SP1: variants seen among roughly 807,000 people sequenced by gnomAD.
SP1 encodes the protein transcription factor Sp1.
SP1 carries 6 observed loss-of-function variants against 66.3 expected under a neutral mutation model. The observed-to-expected ratio is 0.09, with a 90% CI of 0.05 to 0.18. SP1 has a LOEUF of 0.18. Among genes scored for constraint, SP1 ranks in the 10% least tolerant of loss-of-function variants. The pLI is 1.00. For missense variants in SP1, 848 were observed against 964.5 expected, an observed-to-expected ratio of 0.88 and a Z score of 1.60; for synonymous variants, 417 against 360.8, an observed-to-expected ratio of 1.16 and a Z score of -1.77.
intron 1 of SP1, 33 bp downstream of exon 1, chr12:53,380,331 G>T (rs1346039380): frequency 6.6e-7 from 1 of 1,524,244 alleles, no homozygotes; most frequent in East Asian, 2.7e-5. Flanking sequence ...CTTAGGGGTG[G>T]GAGGCGAGTG....
intron 5 of SP1, among the ~76,000 whole-genome samples, chr12:53,410,590 C>T (rs1213612982): frequency 1.3e-5 from 2 of 151,870 alleles, no homozygotes; most frequent in East Asian, 2.0e-4. Flanking sequence ...CTGCAAGCTC[C>T]GCCTCCCGGG....
chr12:53,416,009 CTG>C lies in SP1; in HGVS notation c.*4771_*4772del, dbSNP rs1938988883. 6.5e-6 allele frequency: 1 copy of C among 152,720 alleles called. No individual in the cohort carries two copies. Among genetic ancestry groups the C allele is most frequent in the South Asian group, 2.1e-4 (1 of 4,834 alleles). The allele number at this position is 152,720 out of a possible 1,614,324, so 9.5% of individuals were successfully genotyped here. A position where few individuals can be genotyped will look rare whatever the true frequency, so the allele number is the denominator to read the frequency against. ...CAGGGCCTGCTTCCCCTTCCTAAGT[CTG>C]TCATCCTCTGGAAGGGATGGGTGGT... is the stretch of plus-strand genomic sequence containing the variant. On this transcript the variant is annotated 3_prime_UTR_variant, in exon 6 of 6. Coordinates refer to ENST00000327443, the MANE Select transcript of SP1 (RefSeq NM_138473.3).
chr12:53,406,065 CTTT>C (rs1170832065), intron 3 of SP1, among the ~76,000 whole-genome samples: 1 of 82,418 alleles, frequency 1.2e-5, no homozygotes, highest in Non-Finnish European at 2.5e-5. Flanking sequence ...TATTTTCTTT[CTTT>C]TTTTTTTTTT....
intron 4 of SP1, 96 bp from the exon 5 acceptor site, chr12:53,409,266 G>A: frequency 1.0e-6 from 1 of 983,158 alleles, no homozygotes; most frequent in Admixed American, 2.7e-5. Flanking sequence ...AAAAGTTTGG[G>A]TTAGTTTGGT....
At chr12:53,401,428 G>A (rs980753227) in intron 3 of SP1, among the ~76,000 whole-genome samples, 5 of 147,350 alleles carry the variant, frequency 3.4e-5, no homozygotes, top group Non-Finnish European at 5.9e-5. Flanking sequence ...TCCAGCCTGG[G>A]CGACAAGAGC....
intron 3 of SP1, among the ~76,000 whole-genome samples, chr12:53,386,561 C>T (rs565335299): frequency 2.2e-4 from 33 of 150,250 alleles, no homozygotes; most frequent in African/African-American, 6.9e-4. Flanking sequence ...GTGCAATCTC[C>T]GCTCACTGCA....
At chr12:53,401,180 G>A (rs544626747) in intron 3 of SP1, among the ~76,000 whole-genome samples, 3 of 151,800 alleles carry the variant, frequency 2.0e-5, no homozygotes, top group East Asian at 1.9e-4. Flanking sequence ...GGCCTGGCAC[G>A]GTGGCACGTG....
intron 3 of SP1, among the ~76,000 whole-genome samples, chr12:53,387,144 G>A (rs1938248520): frequency 6.6e-6 from 1 of 151,652 alleles, no homozygotes; most frequent in African/African-American, 2.4e-5. Context: ...GTAGCGATTG[G>A]ATTTCACTGT....
rs539990920 is a variant in SP1 at position 53,382,924 on chromosome 12, G to C, written c.977G>C (p.Ser326Thr). Residue 326 changes from serine (S) to threonine (T), a missense_variant, in exon 3 of 6, where the codon AGC becomes ACC. Physicochemically the swap from Ser to Thr is moderately conservative, Grantham distance 58 (BLOSUM62 1). This residue lies in a region of SP1 where 606 missense variants were observed against 589.9 expected (regional missense o/e 1.03). Transcript: ENST00000327443. ...AGCTCCTTTTTCACCAATGCCAATA[G>C]CTACTCAACTACTACTACCACCAGC... Reference protein sequence around the residue: ...SSSSFFTNANSYSTTTTTSNM... With the variant: ...SSSSFFTNANTYSTTTTTSNM... 29 of 1,614,130 alleles carry C rather than the reference G, an allele frequency of 1.8e-5. No individual in the cohort carries two copies. The East Asian group carries it at 6.5e-4, about 36-fold the overall frequency.
intron 3 of SP1, among the ~76,000 whole-genome samples, chr12:53,385,483 G>A (rs550431500): frequency 1.4e-5 from 2 of 147,834 alleles, no homozygotes; most frequent in South Asian, 2.2e-4. Context: ...TAGTCCCAGC[G>A]ACTCAGGAGC....
At chr12:53,380,375 C>A in intron 1 of SP1, 77 bp downstream of exon 1, 1 of 1,276,962 alleles carries the variant, frequency 7.8e-7, no homozygotes. Context: ...CGGGCGATCC[C>A]CGCCGTGAAG....
intron 1 of SP1, chr12:53,381,233 G>A (rs538314738): frequency 3.2e-5 from 5 of 155,024 alleles, no homozygotes; most frequent in South Asian, 3.6e-4. Context: ...GATTACAGGC[G>A]TGACCACCGC....
chr12:53,385,541 G>C (rs1200517626), intron 3 of SP1, among the ~76,000 whole-genome samples: 1 of 151,188 alleles, frequency 6.6e-6, no homozygotes, highest in Non-Finnish European at 1.5e-5. Flanking sequence ...GTTGCAATGA[G>C]CCGAGATCGC....
At chr12:53,410,009 C>CA (rs141900815) in intron 5 of SP1, among the ~76,000 whole-genome samples, 13,585 of 143,074 alleles carry the variant, frequency 0.095, 831 homozygotes, top group Non-Finnish European at 0.14. Flanking sequence ...GACACTGTCT[C>CA]AAAAAAAAAG....
intron 3 of SP1, among the ~76,000 whole-genome samples, chr12:53,405,100 C>T (rs1166225146): frequency 3.3e-5 from 5 of 151,852 alleles, no homozygotes; most frequent in African/African-American, 4.8e-5. Flanking sequence ...CCAACCACCT[C>T]GGCCTCCCAA....
chr12:53,394,942 G>A (rs747119544), intron 3 of SP1, among the ~76,000 whole-genome samples: 12 of 151,810 alleles, frequency 7.9e-5, no homozygotes, highest in Non-Finnish European at 1.2e-4. Flanking sequence ...TGTTGCCTAG[G>A]GTAGTCTTGA....
rs1938906014 is a variant in SP1 at position 53,412,238 on chromosome 12, T to A, written c.*998T>A. ...TTCAGTGGAATTGTACAAGAGTCCC[T>A]TTGAAGATAATAATCTTGGCTCAGT... On this transcript the variant is annotated 3_prime_UTR_variant, in exon 6 of 6. Coordinates refer to ENST00000327443, the MANE Select transcript of SP1 (RefSeq NM_138473.3). The A allele has an allele frequency of 6.6e-6, 1 of 152,612 alleles. No homozygotes were observed. The highest frequency in any genetic ancestry group is 6.5e-5 in the Admixed American group (1 of 15,282). The allele number at this position is 152,612 out of a possible 1,614,324, so 9.5% of individuals were successfully genotyped here. A position where few individuals can be genotyped will look rare whatever the true frequency, so the allele number is the denominator to read the frequency against.
intron 3 of SP1, among the ~76,000 whole-genome samples, chr12:53,405,697 A>AGGAG (rs111485415): frequency 2.0e-5 from 3 of 149,248 alleles, no homozygotes; most frequent in African/African-American, 7.5e-5. Context: ...GAGAGAGAGA[A>AGGAG]GGAAGGAGGG....
intron 3 of SP1, among the ~76,000 whole-genome samples, chr12:53,388,662 G>C (rs1938280660): frequency 6.6e-6 from 1 of 152,018 alleles, no homozygotes; most frequent in Non-Finnish European, 1.5e-5. Context: ...TCCTTTTTCA[G>C]CTTTTGCCTT....
Sources: allele counts gnomAD v4.1 joint callset (sites outside exome capture counted in the v4.1 genomes callset), GRCh38; gene constraint gnomAD v4.1.1; regional missense constraint gnomAD v4.1.1; transcripts MANE v1.5; gene names NCBI Gene and HGNC (gene_info 2026-07-23, HGNC 2026-07-21).